BTBD3: variants seen among roughly 807,000 people sequenced by gnomAD.
The protein encoded by BTBD3 is BTB domain containing 3, also known as BTB/POZ domain-containing protein 3.
Under a neutral mutation model 41.6 loss-of-function variants are expected in BTBD3, and 14 were observed. The observed-to-expected ratio is 0.34, with a 90% CI of 0.22 to 0.53. BTBD3 has a LOEUF of 0.53. BTBD3 is among the 20% of genes least tolerant of loss of function. The pLI is 0.95. For missense variants in BTBD3, 426 were observed against 654.7 expected, an observed-to-expected ratio of 0.65 and a Z score of 3.81; for synonymous variants, 249 against 233.7, an observed-to-expected ratio of 1.07 and a Z score of -0.60.
chr20:11,918,735 T>A lies in BTBD3; in HGVS notation c.326+134T>A, dbSNP rs188186031. 4 of 996,632 alleles carry A rather than the reference T, an allele frequency of 4.0e-6. No homozygotes were observed. The Admixed American group carries it at 9.6e-5, about 24-fold the overall frequency. 61.7% of individuals were successfully genotyped at this position (996,632 alleles called of 1,614,324 possible). On this transcript the variant is annotated intron_variant, in intron 1 of 3. Transcript: ENST00000378226. ...GAAGCTTTTTATTGGTAATGGAAAA[T>A]TGCCTTGTATCTTTTCCAAAACAGT... is the stretch of plus-strand genomic sequence containing the variant.
chr20:11,922,159 GA>G, intron 3 of BTBD3, among the ~76,000 whole-genome samples: 1 of 152,274 alleles, frequency 6.6e-6, no homozygotes, highest in South Asian at 2.1e-4. Context: ...ATTGAACTTG[GA>G]ACTATTTGGA....
chr20:11,893,167 TC>T (rs1254763043), intron 1 of BTBD3, among the ~76,000 whole-genome samples: 4 of 152,146 alleles, frequency 2.6e-5, no homozygotes, highest in African/African-American at 9.7e-5. Flanking sequence ...CAGAAATAGG[TC>T]ATTTAACATA....
chr20:11,900,336 T>G (rs145490061), intron 1 of BTBD3, among the ~76,000 whole-genome samples: 1 of 152,246 alleles, frequency 6.6e-6, no homozygotes, highest in Admixed American at 6.5e-5. Flanking sequence ...TATGTATCTT[T>G]CTGATGATAA....
At chr20:11,911,418 C>T (rs376336463) in intron 1 of BTBD3, among the ~76,000 whole-genome samples, 9 of 152,236 alleles carry the variant, frequency 5.9e-5, no homozygotes, top group Non-Finnish European at 8.8e-5. Context: ...AAAAGATAGG[C>T]GATCATGTAG....
In BTBD3 at chr20:11,919,908, A is replaced by G. The variant is rs2056953092; in HGVS notation, c.536+72A>G. On this transcript the variant is annotated intron_variant, in intron 3 of 3. Transcript: ENST00000378226. ...TGTACCCTGCTGGTTTCACAGTTAA[A>G]TTTAAGTTCTGCATAACAGAAAAGA... The G allele has an allele frequency of 3.1e-6, 4 of 1,309,994 alleles. No individual in the cohort carries two copies. The Admixed American group carries it at 6.8e-5, about 22-fold the overall frequency. The allele number at this position is 1,309,994 out of a possible 1,614,324, so 81.1% of individuals were successfully genotyped here.
intron 1 of BTBD3, chr20:11,909,594 A>C (rs1225804294): frequency 6.6e-6 from 1 of 152,154 alleles, no homozygotes; most frequent in African/African-American, 2.4e-5. Flanking sequence ...CAGACCTCTT[A>C]ATGTTAGATC....
chr20:11,919,608 T>A, intron 2 of BTBD3, 110 bp from the exon 3 acceptor site: 1 of 1,250,426 alleles, frequency 8.0e-7, no homozygotes, highest in Non-Finnish European at 1.1e-6. Context: ...CAGTAGATTT[T>A]AGGTACGCTA....
At chr20:11,918,631 A>G (rs768447722) in intron 1 of BTBD3, 30 bp downstream of exon 1, 2 of 1,533,706 alleles carry the variant, frequency 1.3e-6, no homozygotes, top group Non-Finnish European at 1.7e-6. Flanking sequence ...ATTTACTTTA[A>G]AAGTTTTCCT....
intron 1 of BTBD3, among the ~76,000 whole-genome samples, chr20:11,896,220 C>G (rs984587773): frequency 1.3e-5 from 2 of 152,164 alleles, no homozygotes; most frequent in Non-Finnish European, 2.9e-5. Flanking sequence ...TTTTCTTCAT[C>G]TGAATCCTAA....
In BTBD3 at chr20:11,923,663, T is replaced by A. The variant is rs766328982; in HGVS notation, c.1566T>A (p.Ala522=). 7 of 1,586,782 alleles carry A rather than the reference T, an allele frequency of 4.4e-6. No homozygotes were observed. The highest frequency in any genetic ancestry group is 1.7e-5 in the Admixed American group (1 of 57,652). ...GGQIPELIFY[A] is the part of the protein sequence containing the mutation. ...AGATCCCTGAACTTATATTCTATGC[T>A]TGAAAACTCACTTCCTGAAGCAGCT... The change falls in exon 4 of 4, where the codon GCT becomes GCA. Residue 522 remains alanine (A), a synonymous_variant. Coordinates refer to ENST00000378226, the MANE Select transcript of BTBD3 (RefSeq NM_014962.4). The surrounding 1 kb of genome is among the most constrained non-coding windows in gnomAD (Gnocchi z 5.3).
rs748246689 is a variant in BTBD3, at chr20:11,923,123, C to G, written c.1026C>G (p.Leu342=). ...CTGCACAGTCCGGGGTATTAACTCT[C>G]AATGAGACCAACGACATCTTCCTCT... ...NGAAQSGVLT[L]NETNDIFLWY... The change falls in exon 4 of 4, where the codon CTC becomes CTG. Residue 342 remains leucine (L), a synonymous_variant. Coordinates refer to ENST00000378226, the MANE Select transcript of BTBD3 (RefSeq NM_014962.4). The surrounding 1 kb of genome is among the most constrained non-coding windows in gnomAD (Gnocchi z 5.3). The G allele has an allele frequency of 3.1e-6, 5 of 1,613,986 alleles. No homozygotes were observed. Among genetic ancestry groups the G allele is most frequent in the Non-Finnish European group, 4.2e-6 (5 of 1,180,052 alleles).
intron 1 of BTBD3, among the ~76,000 whole-genome samples, chr20:11,892,230 T>C (rs2056759443): frequency 6.6e-6 from 1 of 152,138 alleles, no homozygotes; most frequent in Admixed American, 6.5e-5. Context: ...GTTCTAAGTG[T>C]TGTTTTGAAT....
chr20:11,922,087 C>T (rs575769562), intron 3 of BTBD3, among the ~76,000 whole-genome samples: 6 of 152,166 alleles, frequency 3.9e-5, no homozygotes, highest in African/African-American at 1.4e-4. Context: ...AATAAAAAGT[C>T]TGTTGGATTC....
At chr20:11,908,452 C>T (rs940606336) in intron 1 of BTBD3, among the ~76,000 whole-genome samples, 1 of 150,344 alleles carries the variant, frequency 6.7e-6, no homozygotes, top group Non-Finnish European at 1.5e-5. Context: ...GCTGTCCTCC[C>T]TATTGTTATG....
chr20:11,897,703 A>G (rs180786398), intron 1 of BTBD3, among the ~76,000 whole-genome samples: 4 of 152,244 alleles, frequency 2.6e-5, no homozygotes, highest in Admixed American at 6.5e-5. Context: ...GCCTCCTAAC[A>G]GATCACTGGT....
intron 3 of BTBD3, among the ~76,000 whole-genome samples, 167 bp from the exon 4 acceptor site, chr20:11,922,467 A>G (rs1036183465): frequency 6.6e-6 from 1 of 152,234 alleles, no homozygotes; most frequent in African/African-American, 2.4e-5. Context: ...TAAAATATTA[A>G]TAATTTATTA....
chr20:11,922,015 A>C (rs2056973978), intron 3 of BTBD3, among the ~76,000 whole-genome samples: 2 of 152,222 alleles, frequency 1.3e-5, no homozygotes, highest in Admixed American at 1.3e-4. Context: ...TGTAATCTTG[A>C]ATTCTGAAGG....
chr20:11,890,826 C>T (rs1408323282), exon 1 of BTBD3: 6 of 985,062 alleles, frequency 6.1e-6, no homozygotes, highest in East Asian at 1.1e-4. Flanking sequence ...CAGAGCGTGC[C>T]CTGCGTGCGG....
At chr20:11,913,976 G>A (rs1251611097), upstream of BTBD3, among the ~76,000 whole-genome samples, 10 of 152,152 alleles carry the variant, frequency 6.6e-5, no homozygotes, top group South Asian at 6.2e-4. Context: ...GCTCACCGCC[G>A]TATGCCCAAC....
Sources: gnomAD v4.1 joint callset for allele counts (sites outside exome capture counted in the v4.1 genomes callset) on GRCh38, gnomAD v4.1.1 for gene constraint, Gnocchi (gnomAD v3.1) non-coding constraint, MANE v1.5 for transcripts, NCBI Gene and HGNC (gene_info 2026-07-23, HGNC 2026-07-21) for gene names.